Variants in COL8A1 observed in about 807,000 individuals in gnomAD.
The protein encoded by COL8A1 is collagen alpha-1(VIII) chain.
In COL8A1, 21 loss-of-function variants were observed where a neutral mutation model predicts 42.7. The ratio of observed to expected loss-of-function variants is 0.49; its 90% CI spans 0.35 to 0.71. The LOEUF is 0.71. Ranked by LOEUF, COL8A1 falls within the 30% of genes least tolerant of loss-of-function variation. The pLI, the probability that COL8A1 is intolerant of heterozygous loss-of-function variation, is 0.01. For missense variants in COL8A1, 788 were observed against 962.4 expected (o/e 0.82, Z 2.40); for synonymous variants, 367 against 369.1 (o/e 0.99, Z 0.06).
chr3:99,666,079 A>G (rs758668599), intron 1 of COL8A1, among the ~76,000 whole-genome samples: 1 of 152,134 alleles, frequency 6.6e-6, no homozygotes, highest in Non-Finnish European at 1.5e-5. Flanking sequence ...AGAAACCTGT[A>G]GGTGTGATGT....
intron 1 of COL8A1, among the ~76,000 whole-genome samples, chr3:99,682,123 T>A (rs1938900119): frequency 6.6e-6 from 1 of 152,114 alleles, no homozygotes; most frequent in African/African-American, 2.4e-5. Context: ...GTGAAATAAC[T>A]AGAAGTGCCG....
intron 1 of COL8A1, among the ~76,000 whole-genome samples, chr3:99,714,570 T>A (rs533615549): frequency 6.6e-6 from 1 of 152,228 alleles, no homozygotes; most frequent in South Asian, 2.1e-4. Flanking sequence ...ACTGGCCACC[T>A]GTGAGCAGCT....
chr3:99,657,346 T>C (rs1938055019), intron 1 of COL8A1, among the ~76,000 whole-genome samples: 1 of 152,232 alleles, frequency 6.6e-6, no homozygotes, highest in South Asian at 2.1e-4. Context: ...AGCATGCACC[T>C]GACTTCTTAA....
intron 2 of COL8A1, among the ~76,000 whole-genome samples, chr3:99,776,572 A>C (rs1288385437): frequency 1.3e-5 from 2 of 152,184 alleles, no homozygotes; most frequent in Non-Finnish European, 2.9e-5. Flanking sequence ...ATTAGGAATA[A>C]ATGAAAATGT....
intron 1 of COL8A1, chr3:99,691,675 GA>G: frequency 8.2e-6 from 1 of 121,518 alleles, no homozygotes; most frequent in Admixed American, 9.3e-5. Flanking sequence ...TCTAAGGGAA[GA>G]ATTAGCAGTG....
At chr3:99,773,821 A>ATATATATATATATATAT (rs1559632666) in intron 2 of COL8A1, among the ~76,000 whole-genome samples, 1 of 60,132 alleles carries the variant, frequency 1.7e-5, no homozygotes, top group African/African-American at 7.5e-5. Context: ...GTGTGTATAT[A>ATATATATATATATATAT]TATATATATA....
At chr3:99,701,166 A>G (rs574726349) in intron 1 of COL8A1, among the ~76,000 whole-genome samples, 1 of 152,104 alleles carries the variant, frequency 6.6e-6, no homozygotes, top group Non-Finnish European at 1.5e-5. Flanking sequence ...TGGGAAACAC[A>G]CTCATTTTTA....
At chr3:99,791,594 G>C (rs1324578940) in intron 3 of COL8A1, among the ~76,000 whole-genome samples, 2 of 152,324 alleles carry the variant, frequency 1.3e-5, no homozygotes, top group East Asian at 3.9e-4. Flanking sequence ...CTCTCCTGTT[G>C]CTTTCTTGGC....
intron 1 of COL8A1, among the ~76,000 whole-genome samples, chr3:99,736,779 G>T (rs888458207): frequency 6.6e-6 from 1 of 150,928 alleles, no homozygotes; most frequent in Non-Finnish European, 1.5e-5. Context: ...TCAATTCCTG[G>T]GTATCCTTGT....
At chr3:99,669,138 T>TAG (rs1337351216) in intron 1 of COL8A1, among the ~76,000 whole-genome samples, 16 of 104,596 alleles carry the variant, frequency 1.5e-4, no homozygotes, top group African/African-American at 5.2e-4. Context: ...TATATATATA[T>TAG]ATATATATAG....
intron 1 of COL8A1, among the ~76,000 whole-genome samples, chr3:99,702,403 T>C (rs1559783534): frequency 6.6e-6 from 1 of 152,186 alleles, no homozygotes; most frequent in Non-Finnish European, 1.5e-5. Flanking sequence ...TGCAATAAAA[T>C]ACAAGTAGCA....
intron 1 of COL8A1, among the ~76,000 whole-genome samples, chr3:99,640,539 T>C (rs1206337450): frequency 6.6e-6 from 1 of 152,206 alleles, no homozygotes; most frequent in African/African-American, 2.4e-5. Context: ...AGTTTGGGGA[T>C]AAAAGTATTC....
In COL8A1 at chr3:99,794,506, A is replaced by C; in HGVS notation, c.605A>C (p.His202Pro). The C allele has an allele frequency of 6.2e-7, 1 of 1,613,960 alleles. No homozygotes were observed. The highest frequency in any genetic ancestry group is 1.3e-5 in the African/African-American group (1 of 74,996). ...GGACCACAAGGACCTCCAGGGCCTC[A>C]TGGACTTCCTGGCATTGGGAAGCCA... Reference protein sequence around the residue: ...IPGPQGPPGPHGLPGIGKPGG... With the variant: ...IPGPQGPPGPPGLPGIGKPGG... Residue 202 changes from histidine (H) to proline (P), a missense_variant, in exon 4 of 4, where the codon CAT becomes CCT. Physicochemically the swap from His to Pro is moderately conservative, Grantham distance 77. Coordinates refer to ENST00000652472, the MANE Select transcript of COL8A1 (RefSeq NM_020351.4). This position sits in a 1 kb window ranked among gnomAD's most constrained non-coding sequence, Gnocchi z 4.3.
At chr3:99,688,567 C>T (rs1450446232) in intron 1 of COL8A1, among the ~76,000 whole-genome samples, 1 of 152,140 alleles carries the variant, frequency 6.6e-6, no homozygotes, top group Non-Finnish European at 1.5e-5. Context: ...ACTTAATACA[C>T]CTGCAAAGTC....
intron 1 of COL8A1, among the ~76,000 whole-genome samples, chr3:99,740,758 G>A (rs111856659): frequency 2.0e-5 from 3 of 152,194 alleles, no homozygotes; most frequent in African/African-American, 7.2e-5. Context: ...CTCAGTCTAT[G>A]TGTCCATACC....
chr3:99,694,453 G>T (rs1398128046), intron 1 of COL8A1, among the ~76,000 whole-genome samples: 1 of 151,738 alleles, frequency 6.6e-6, no homozygotes, highest in Non-Finnish European at 1.5e-5. Context: ...TCCAGTCTGG[G>T]CAACAAAGTG....
At chr3:99,736,847 T>A (rs1004119142) in intron 1 of COL8A1, among the ~76,000 whole-genome samples, 1 of 152,120 alleles carries the variant, frequency 6.6e-6, no homozygotes, top group Non-Finnish European at 1.5e-5. Flanking sequence ...AAGTCTCCCA[T>A]TATTAATGTG....
chr3:99,732,148 T>C (rs532598795), intron 1 of COL8A1, among the ~76,000 whole-genome samples: 3 of 152,156 alleles, frequency 2.0e-5, no homozygotes, highest in Admixed American at 2.0e-4. Context: ...AACTAATAAA[T>C]AAATAAAACG....
intron 2 of COL8A1, among the ~76,000 whole-genome samples, chr3:99,764,311 T>A (rs1941418666): frequency 1.3e-5 from 2 of 152,356 alleles, no homozygotes; most frequent in South Asian, 4.1e-4. Flanking sequence ...AAAGTCCTGC[T>A]GTATTCTTCA....
Sources: gnomAD v4.1 joint callset for allele counts (sites outside exome capture counted in the v4.1 genomes callset) on GRCh38, gnomAD v4.1.1 for gene constraint, Gnocchi (gnomAD v3.1) non-coding constraint, MANE v1.5 for transcripts, NCBI Gene and HGNC (gene_info 2026-07-23, HGNC 2026-07-21) for gene names.